The following CHL1 variants were observed in gnomAD, a reference collection of about 807,000 sequenced individuals.
CHL1 encodes neural cell adhesion molecule L1-like protein.
CHL1 carries 96 observed loss-of-function variants against 141.9 expected under a neutral mutation model. That is an observed-to-expected ratio of 0.68 (90% confidence interval 0.57 to 0.80). CHL1 has a LOEUF of 0.80. Among genes scored for constraint, CHL1 ranks in the 30% least tolerant of loss-of-function variants. The pLI is 0.00. For missense variants in CHL1, 1,820 were observed against 1,457.2 expected, an observed-to-expected ratio of 1.25 and a Z score of -4.05; for synonymous variants, 613 against 502.2, an observed-to-expected ratio of 1.22 and a Z score of -2.95.
In CHL1 at chr3:366,085, C is replaced by T. The variant is rs773873673; in HGVS notation, c.1721C>T (p.Ala574Val). The T allele has an allele frequency of 1.7e-5, 28 of 1,613,414 alleles. No individual in the cohort carries two copies. Among genetic ancestry groups the T allele is most frequent in the Non-Finnish European group, 2.2e-5 (26 of 1,179,826 alleles). Reference sequence around the variant, plus strand: ...TTGTCCTGGAGTAAAGATGGAGAAGCCTTTGAAATTAATGGCACAGAAGAT... The same window carrying T: ...TTGTCCTGGAGTAAAGATGGAGAAGTCTTTGAAATTAATGGCACAGAAGAT... ...LKLSWSKDGE[A>V]FEINGTEDGR... The change falls in exon 15 of 28, where the codon GCC (alanine) becomes GTC (valine). Residue 574 changes from alanine (A) to valine (V), a missense_variant. By Grantham distance (64) the Ala-to-Val change is moderately conservative (BLOSUM62 0). Transcript: ENST00000256509.
intron 15 of CHL1, among the ~76,000 whole-genome samples, chr3:367,122 C>T (rs897834156): frequency 4.6e-5 from 7 of 152,186 alleles, no homozygotes; most frequent in Non-Finnish European, 8.8e-5. Flanking sequence ...ATATTAAGTA[C>T]ATCAAAGAAA....
rs1216533741 is a variant in CHL1, at chr3:382,598, G to A, written c.2103G>A (p.Arg701=). Reference sequence around the variant, plus strand: ...CTCCATTTGTGAGATACCAGTTCAGGGTCATAGCCGTGAACGAAGTAGGGA... The same window carrying A: ...CTCCATTTGTGAGATACCAGTTCAGAGTCATAGCCGTGAACGAAGTAGGGA... ...PLAPFVRYQF[R]VIAVNEVGRS... Residue 701 remains arginine (R), a synonymous_variant, in exon 18 of 28, where the codon AGG becomes AGA. Coordinates refer to ENST00000256509, the MANE Select transcript of CHL1 (RefSeq NM_006614.4). 3 of 1,613,882 alleles carry A rather than the reference G, an allele frequency of 1.9e-6. No individual in the cohort carries two copies. The highest frequency in any genetic ancestry group is 2.5e-6 in the Non-Finnish European group (3 of 1,179,892).
chr3:245,688 A>G (rs975213470), intron 2 of CHL1, among the ~76,000 whole-genome samples: 1 of 152,118 alleles, frequency 6.6e-6, no homozygotes, highest in Non-Finnish European at 1.5e-5. Context: ...GGACCTTAAT[A>G]CAAATATAAA....
intron 5 of CHL1, among the ~76,000 whole-genome samples, chr3:330,189 TAAA>T (rs1265605621): frequency 1.4e-4 from 22 of 152,064 alleles, no homozygotes; most frequent in Non-Finnish European, 2.6e-4. Flanking sequence ...ATAGAAAACT[TAAA>T]AAACTTATAT....
At chr3:341,667 T>C (rs1418684786) in intron 6 of CHL1, among the ~76,000 whole-genome samples, 1 of 152,158 alleles carries the variant, frequency 6.6e-6, no homozygotes, top group Non-Finnish European at 1.5e-5. Context: ...TTTACCACTG[T>C]TTGTCTACTG....
chr3:367,766 C>T (rs1199570885), intron 15 of CHL1, among the ~76,000 whole-genome samples: 1 of 152,056 alleles, frequency 6.6e-6, no homozygotes, highest in African/African-American at 2.4e-5. Flanking sequence ...CACCTATTGA[C>T]CTGTCCTCTA....
chr3:310,312 T>C (rs1000205126), intron 2 of CHL1, among the ~76,000 whole-genome samples: 6 of 152,010 alleles, frequency 3.9e-5, no homozygotes, highest in Non-Finnish European at 8.8e-5. Flanking sequence ...ATGCCTATAG[T>C]ATCCCAGCTA....
rs113228422 is a variant in CHL1 at position 220,775 on chromosome 3, T to G, written c.-175+23712T>G. The stretch of plus-strand genomic sequence containing the variant: ...GTAGTACAGAATCTTGTGAAGGTGT[T>G]AGGAAATGAGAACGCTCATGCTCTG... On this transcript the variant is annotated intron_variant, in intron 1 of 27. Transcript: ENST00000256509. 8.5e-3 allele frequency among the ~76,000 whole-genome samples: 1,295 copies of G among 152,330 alleles called. 19 individuals carry two copies. The highest frequency in any genetic ancestry group is 0.03 in the African/African-American group (1,243 of 41,574).
At chr3:261,122 C>T (rs1694679653) in intron 2 of CHL1, among the ~76,000 whole-genome samples, 1 of 152,130 alleles carries the variant, frequency 6.6e-6, no homozygotes, top group African/African-American at 2.4e-5. Flanking sequence ...TATGGCTTTA[C>T]CCTTGATCAT....
intron 5 of CHL1, among the ~76,000 whole-genome samples, chr3:335,519 G>A (rs951604584): frequency 1.3e-5 from 2 of 152,180 alleles, no homozygotes; most frequent in African/African-American, 4.8e-5. Context: ...GTAGCATGCA[G>A]TTGTGACAAT....
intron 13 of CHL1, among the ~76,000 whole-genome samples, chr3:362,424 T>C (rs966050991): frequency 6.6e-6 from 1 of 152,162 alleles, no homozygotes; most frequent in African/African-American, 2.4e-5. Context: ...TTATTTTAAA[T>C]CATGATACGT....
chr3:332,526 G>GT (rs957691090), intron 5 of CHL1, among the ~76,000 whole-genome samples: 80 of 151,806 alleles, frequency 5.3e-4, no homozygotes, highest in Admixed American at 2.4e-3. Context: ...CTTTCTTTGT[G>GT]TTTTTTTTAC....
intron 5 of CHL1, among the ~76,000 whole-genome samples, chr3:337,524 A>T (rs879801351): frequency 1.8e-4 from 11 of 59,494 alleles, no homozygotes; most frequent in African/African-American, 5.9e-4. Context: ...CTCTCCCCCC[A>T]CCCCACAACA....
chr3:400,026 ATTTGT>A (rs1171930558), intron 26 of CHL1, among the ~76,000 whole-genome samples: 1 of 152,138 alleles, frequency 6.6e-6, no homozygotes, highest in Non-Finnish European at 1.5e-5. Flanking sequence ...CAACTCCCGA[ATTTGT>A]TTTGTCTTTT....
chr3:395,125 T>C (rs1435237575), intron 24 of CHL1, among the ~76,000 whole-genome samples: 2 of 152,160 alleles, frequency 1.3e-5, no homozygotes, highest in Admixed American at 6.5e-5. Flanking sequence ...GTATACAAGG[T>C]CAGGAACTAT....
chr3:384,839 C>T (rs1284883225), intron 19 of CHL1, among the ~76,000 whole-genome samples: 2 of 152,076 alleles, frequency 1.3e-5, no homozygotes, highest in Non-Finnish European at 2.9e-5. Flanking sequence ...TTAGAATGCA[C>T]AAAGTTTAGT....
chr3:401,666 G>T lies in CHL1; in HGVS notation c.3426G>T (p.Gln1142His). 6 of 1,596,914 alleles carry T rather than the reference G, an allele frequency of 3.8e-6. No individual in the cohort carries two copies. Among genetic ancestry groups the T allele is most frequent in the Non-Finnish European group, 5.1e-6 (6 of 1,172,476 alleles). ...ATTTGCATCCAGACCCAGAAATTCA[G>T]TCAGTAAAAGATGAAACCTTTGGTG... ...KEDLHPDPEI[Q>H]SVKDETFGEY... Residue 1142 changes from glutamine to histidine, a missense_variant, in exon 27 of 28, where the codon CAG becomes CAT. Physicochemically the swap from Gln to His is conservative, Grantham distance 24. Coordinates refer to ENST00000256509, the MANE Select transcript of CHL1 (RefSeq NM_006614.4).
At chr3:320,910 G>A (rs1700513715) in intron 3 of CHL1, among the ~76,000 whole-genome samples, 1 of 151,990 alleles carries the variant, frequency 6.6e-6, no homozygotes, top group Admixed American at 6.6e-5. Flanking sequence ...TATTATATTA[G>A]AGGTGTTGGT....
chr3:380,036 T>C (rs1414081881), intron 16 of CHL1, among the ~76,000 whole-genome samples: 3 of 152,178 alleles, frequency 2.0e-5, no homozygotes, highest in Non-Finnish European at 4.4e-5. Context: ...AGTTGCAAGT[T>C]CATCAGTTCT....
Sources: gnomAD v4.1 joint callset for allele counts (sites outside exome capture counted in the v4.1 genomes callset) on GRCh38, gnomAD v4.1.1 for gene constraint, MANE v1.5 for transcripts, NCBI Gene and HGNC (gene_info 2026-07-23, HGNC 2026-07-21) for gene names.